The following XKR4 variants were observed in gnomAD, a reference collection of about 807,000 sequenced individuals.
XKR4 encodes XK-related protein 4.
In XKR4, 12 loss-of-function variants were observed where a neutral mutation model predicts 53.9. That is an observed-to-expected ratio of 0.22 (90% CI 0.14 to 0.36). XKR4 has a LOEUF of 0.36. Among genes scored for constraint, XKR4 ranks in the 10% least tolerant of loss-of-function variants. The pLI is 1.00. For missense variants in XKR4, 799 were observed against 859.5 expected (o/e 0.93, Z 0.88); for synonymous variants, 354 against 362.4 (o/e 0.98, Z 0.26).
intron 1 of XKR4, among the ~76,000 whole-genome samples, chr8:55,331,711 A>T (rs146403071): frequency 7.2e-4 from 109 of 152,244 alleles, no homozygotes; most frequent in Admixed American, 2.2e-3. Flanking sequence ...TCTGTACCTT[A>T]TAACAGTTTT....
intron 2 of XKR4, among the ~76,000 whole-genome samples, chr8:55,483,625 C>T (rs2129401477): frequency 6.6e-6 from 1 of 151,876 alleles, no homozygotes; most frequent in South Asian, 2.1e-4. Context: ...AATGAAGTCT[C>T]AAGGGAAACT....
intron 2 of XKR4, among the ~76,000 whole-genome samples, chr8:55,364,453 C>A (rs747199794): frequency 6.6e-6 from 1 of 152,292 alleles, no homozygotes. Flanking sequence ...CCCCGATGCC[C>A]CTCAGGACAC....
intron 1 of XKR4, among the ~76,000 whole-genome samples, chr8:55,140,971 AACTC>A (rs1227523452): frequency 1.3e-5 from 2 of 152,202 alleles, no homozygotes; most frequent in African/African-American, 2.4e-5. Flanking sequence ...ATTGAAATAT[AACTC>A]ACATACCACA....
intron 2 of XKR4, among the ~76,000 whole-genome samples, chr8:55,513,382 G>A (rs1806659120): frequency 6.6e-6 from 1 of 152,160 alleles, no homozygotes; most frequent in Admixed American, 6.5e-5. Flanking sequence ...AAGGAGAACA[G>A]CTAAATTTCC....
intron 2 of XKR4, among the ~76,000 whole-genome samples, chr8:55,422,559 C>A (rs1054494984): frequency 3.9e-5 from 6 of 152,172 alleles, no homozygotes; most frequent in Non-Finnish European, 7.3e-5. Context: ...GGCAGGAAAG[C>A]AGAACAGCAA....
At chr8:55,189,053 C>T (rs1817412316) in intron 1 of XKR4, among the ~76,000 whole-genome samples, 1 of 152,180 alleles carries the variant, frequency 6.6e-6, no homozygotes, top group African/African-American at 2.4e-5. Context: ...GAGGTCCAAG[C>T]TGAGATAAAC....
intron 1 of XKR4, among the ~76,000 whole-genome samples, chr8:55,299,539 T>A (rs1819149519): frequency 6.6e-6 from 1 of 152,210 alleles, no homozygotes; most frequent in Non-Finnish European, 1.5e-5. Context: ...GTCTTAAAGA[T>A]AATTTAGTGA....
chr8:55,397,929 C>T (rs189567148), intron 2 of XKR4, among the ~76,000 whole-genome samples: 1 of 152,330 alleles, frequency 6.6e-6, no homozygotes, highest in East Asian at 1.9e-4. Context: ...TCCAGTCACA[C>T]CTCTCAGGGG....
chr8:55,105,081 C>A (rs1443013752), intron 1 of XKR4, among the ~76,000 whole-genome samples: 1 of 152,112 alleles, frequency 6.6e-6, no homozygotes, highest in East Asian at 1.9e-4. Context: ...ATCCTGTTAA[C>A]TGAAAAACTG....
chr8:55,332,911 C>T (rs1466827505), intron 1 of XKR4, among the ~76,000 whole-genome samples: 2 of 150,606 alleles, frequency 1.3e-5, no homozygotes, highest in Admixed American at 6.6e-5. Context: ...GCTCTATTTA[C>T]TTTTTTTCTT....
chr8:55,144,605 T>C (rs1384754569), intron 1 of XKR4, among the ~76,000 whole-genome samples: 1 of 152,066 alleles, frequency 6.6e-6, no homozygotes, highest in East Asian at 1.9e-4. Flanking sequence ...TTTTGGCATC[T>C]AATCCAATTT....
intron 2 of XKR4, among the ~76,000 whole-genome samples, chr8:55,429,733 G>GA (rs113639586): frequency 0.11 from 14,880 of 138,666 alleles, 1,004 homozygotes; most frequent in African/African-American, 0.2. Flanking sequence ...TGTCTTTCTG[G>GA]AAAAAAAAAA....
intron 2 of XKR4, among the ~76,000 whole-genome samples, chr8:55,379,479 G>A (rs936460175): frequency 2.0e-5 from 3 of 152,152 alleles, no homozygotes; most frequent in Admixed American, 1.3e-4. Flanking sequence ...TGCATTCAAC[G>A]CGTTTTTGCA....
In XKR4 at chr8:55,392,899, G is replaced by A. The variant is rs548792025; in HGVS notation, c.1006+35022G>A. On this transcript the variant is annotated intron_variant, in intron 2 of 2. Coordinates refer to ENST00000327381, the MANE Select transcript of XKR4 (RefSeq NM_052898.2). Reference sequence around the variant, plus strand: ...AACTAGGGTACCAACTTTTTACTCCGAAAGTTGGCAATTAAAAGTTAAGAA... The same window carrying A: ...AACTAGGGTACCAACTTTTTACTCCAAAAGTTGGCAATTAAAAGTTAAGAA... 5.9e-5 allele frequency among the ~76,000 whole-genome samples: 9 copies of A among 152,152 alleles called. No individual in the cohort carries two copies. In the South Asian group the frequency reaches 1.2e-3, roughly 21 times the overall value.
At chr8:55,409,457 G>A (rs1483845574) in intron 2 of XKR4, among the ~76,000 whole-genome samples, 1 of 152,202 alleles carries the variant, frequency 6.6e-6, no homozygotes, top group Non-Finnish European at 1.5e-5. Context: ...GAGGCATAAT[G>A]TGATGATTTC....
At chr8:55,284,480 T>C (rs1818880942) in intron 1 of XKR4, among the ~76,000 whole-genome samples, 1 of 152,118 alleles carries the variant, frequency 6.6e-6, no homozygotes, top group Non-Finnish European at 1.5e-5. Context: ...CCAACTCGTA[T>C]GGCTACTGAC....
At chr8:55,153,683 G>A (rs1273044223) in intron 1 of XKR4, among the ~76,000 whole-genome samples, 1 of 152,148 alleles carries the variant, frequency 6.6e-6, no homozygotes, top group Non-Finnish European at 1.5e-5. Flanking sequence ...TCTTTGAAAG[G>A]CTTACTTTGA....
At chr8:55,160,147 T>C (rs1439495374) in intron 1 of XKR4, among the ~76,000 whole-genome samples, 1 of 151,946 alleles carries the variant, frequency 6.6e-6, no homozygotes, top group Non-Finnish European at 1.5e-5. Flanking sequence ...TGAGTGGGAG[T>C]CAAGGGTGTA....
chr8:55,462,301 G>A (rs1297325261), intron 2 of XKR4, among the ~76,000 whole-genome samples: 2 of 152,220 alleles, frequency 1.3e-5, no homozygotes, highest in Non-Finnish European at 2.9e-5. Context: ...CAAACCAGAA[G>A]AGAGTGGGGG....
Sources: allele counts gnomAD v4.1 joint callset (sites outside exome capture counted in the v4.1 genomes callset), GRCh38; gene constraint gnomAD v4.1.1; transcripts MANE v1.5; gene names NCBI Gene and HGNC (gene_info 2026-07-23, HGNC 2026-07-21).